The following TSGA10 variants were observed in gnomAD, a reference collection of about 807,000 sequenced individuals.
The protein encoded by TSGA10 is testis-specific gene 10 protein.
TSGA10 carries 43 observed loss-of-function variants against 96.6 expected under a neutral mutation model. The observed-to-expected ratio is 0.44, with a 90% confidence interval of 0.35 to 0.57. TSGA10 has a LOEUF of 0.57. Among genes scored for constraint, TSGA10 ranks in the 20% least tolerant of loss-of-function variants. TSGA10 has a pLI of 0.01. For synonymous variants in TSGA10, 229 were observed against 269.9 expected (o/e 0.85, Z 1.48); for missense variants, 703 against 834.4 (o/e 0.84, Z 1.94).
intron 1 of TSGA10, among the ~76,000 whole-genome samples, chr2:99,149,603 C>T (rs531554030): frequency 1.9e-4 from 29 of 151,378 alleles, no homozygotes; most frequent in African/African-American, 6.5e-4. Flanking sequence ...CCACCACGCC[C>T]GGCTAATTCT....
At chr2:99,064,247 C>T (rs1408082836) in intron 16 of TSGA10, among the ~76,000 whole-genome samples, 2 of 152,088 alleles carry the variant, frequency 1.3e-5, no homozygotes, top group Non-Finnish European at 2.9e-5. Flanking sequence ...AAAAAATTAA[C>T]TTTCCTTCAA....
chr2:99,118,597 T>C lies in TSGA10; in HGVS notation c.-402A>G. Reference sequence around the variant, plus strand: ...TCAATCAAGTATTTGCTGCCTAATGTGGAGGAACACAGCTTTCCTTCCCAG... The same window carrying C: ...TCAATCAAGTATTTGCTGCCTAATGCGGAGGAACACAGCTTTCCTTCCCAG... On this transcript the variant is annotated 5_prime_UTR_variant, in exon 3 of 21. Coordinates refer to ENST00000393483, the MANE Select transcript of TSGA10 (RefSeq NM_025244.4). 1.0e-6 allele frequency: 1 copy of C among 984,020 alleles called. No individual in the cohort carries two copies. 61.0% of individuals were successfully genotyped at this position (984,020 alleles called of 1,614,324 possible).
intron 2 of TSGA10, among the ~76,000 whole-genome samples, chr2:99,119,004 C>G (rs1047946708): frequency 3.3e-5 from 5 of 152,042 alleles, no homozygotes; most frequent in African/African-American, 1.2e-4. Flanking sequence ...AAAAAACACT[C>G]GCACACAGAA....
At chr2:99,121,747 C>A (rs1389557616) in intron 2 of TSGA10, among the ~76,000 whole-genome samples, 1 of 152,078 alleles carries the variant, frequency 6.6e-6, no homozygotes, top group Non-Finnish European at 1.5e-5. Flanking sequence ...ATTATAGCCA[C>A]GAGCCACCAC....
intron 20 of TSGA10, 103 bp downstream of exon 20, chr2:99,018,096 TC>T: frequency 9.3e-7 from 1 of 1,079,484 alleles, no homozygotes; most frequent in Non-Finnish European, 1.3e-6. Flanking sequence ...TGTTTAAATA[TC>T]ACTATTAAAG....
chr2:99,066,989 A>G (rs1188214500), intron 15 of TSGA10, among the ~76,000 whole-genome samples: 1 of 152,194 alleles, frequency 6.6e-6, no homozygotes, highest in Non-Finnish European at 1.5e-5. Context: ...TCCAAAATAA[A>G]CTTCCTAAAA....
At chr2:99,150,413 A>G (rs995584512) in intron 1 of TSGA10, 11 of 879,286 alleles carry the variant, frequency 1.3e-5, no homozygotes, top group Non-Finnish European at 1.5e-5. Flanking sequence ...CTTTTCATTC[A>G]AACAAACATT....
In TSGA10 at chr2:99,065,119, A is replaced by C. The variant is rs1441416159; in HGVS notation, c.1224T>G (p.Ser408=). 4 of 1,611,080 alleles carry C rather than the reference A, an allele frequency of 2.5e-6. No individual in the cohort carries two copies. Among genetic ancestry groups the C allele is most frequent in the Non-Finnish European group, 3.4e-6 (4 of 1,179,274 alleles). ...KLKNILKSEE[S]ENRQMMEQLR... is the part of the protein sequence containing the mutation. ...GTTGTTCCATCATTTGCCGGTTCTC[A>C]GATTCCTGAAAAGCAAACTTTAGCT... The change falls in exon 16 of 21, where the codon TCT becomes TCG. Residue 408 remains serine, a synonymous_variant. Coordinates refer to ENST00000393483, the MANE Select transcript of TSGA10 (RefSeq NM_025244.4).
At chr2:99,066,631 T>C (rs1391956761) in intron 15 of TSGA10, among the ~76,000 whole-genome samples, 1 of 152,114 alleles carries the variant, frequency 6.6e-6, no homozygotes, top group Non-Finnish European at 1.5e-5. Context: ...TCTCCTGTCC[T>C]CCAACCACCC....
intron 5 of TSGA10, among the ~76,000 whole-genome samples, chr2:99,109,914 C>T (rs2091658248): frequency 6.6e-6 from 1 of 152,148 alleles, no homozygotes; most frequent in Admixed American, 6.5e-5. Flanking sequence ...CCTGTAATCC[C>T]AGCACATTGG....
Position 99,035,411 on chromosome 2 carries a change from G to A in TSGA10, c.1433C>T (p.Ser478Phe). ...QHLNAERSYK[S>F]QISTLHKSVV... The stretch of plus-strand genomic sequence containing the variant: ...AGATTTATGTAAGGTAGAAATCTGG[G>A]ACTTGTAAGACCTTTCTGCATTTAA... Residue 478 changes from serine to phenylalanine, a missense_variant, in exon 17 of 21, where the codon TCC (serine) becomes TTC (phenylalanine). By Grantham distance (155) the Ser-to-Phe change is radical. Transcript: ENST00000393483. 1 of 1,611,582 alleles carries A rather than the reference G, an allele frequency of 6.2e-7. No individual in the cohort carries two copies. Among genetic ancestry groups the A allele is most frequent in the Non-Finnish European group, 8.5e-7 (1 of 1,178,606 alleles).
At chr2:99,078,196 G>A (rs367860693) in intron 12 of TSGA10, among the ~76,000 whole-genome samples, 2 of 150,888 alleles carry the variant, frequency 1.3e-5, no homozygotes, top group East Asian at 4.0e-4. Flanking sequence ...GCTTGAACCC[G>A]GGAGGCGGAG....
At chr2:99,122,427 A>T (rs578103595) in intron 2 of TSGA10, among the ~76,000 whole-genome samples, 1 of 151,980 alleles carries the variant, frequency 6.6e-6, no homozygotes, top group East Asian at 1.9e-4. Flanking sequence ...TAATTTAAAT[A>T]TTTCCTGTAC....
chr2:99,144,101 A>T (rs1344392738), intron 1 of TSGA10, among the ~76,000 whole-genome samples: 1 of 151,990 alleles, frequency 6.6e-6, no homozygotes, highest in African/African-American at 2.4e-5. Flanking sequence ...GCTCACTGGA[A>T]GCTCTGCCTC....
At chr2:99,002,975 C>T (rs944634337) in intron 20 of TSGA10, among the ~76,000 whole-genome samples, 6 of 152,034 alleles carry the variant, frequency 3.9e-5, no homozygotes, top group Non-Finnish European at 5.9e-5. Context: ...TTCTCTGCCT[C>T]AGCCTTCTGA....
intron 16 of TSGA10, among the ~76,000 whole-genome samples, chr2:99,044,830 T>C (rs1482544960): frequency 4.6e-5 from 7 of 152,018 alleles, no homozygotes; most frequent in African/African-American, 1.7e-4. Flanking sequence ...AATAAACAGT[T>C]TCTCAGACCA....
chr2:99,098,861 C>A (rs555516609), intron 10 of TSGA10, among the ~76,000 whole-genome samples: 2 of 152,090 alleles, frequency 1.3e-5, no homozygotes, highest in Admixed American at 1.3e-4. Flanking sequence ...GAAATAAAAC[C>A]TTCCCTTAAA....
intron 12 of TSGA10, among the ~76,000 whole-genome samples, chr2:99,074,834 C>T (rs2086492350): frequency 6.6e-6 from 1 of 151,858 alleles, no homozygotes; most frequent in Admixed American, 6.6e-5. Flanking sequence ...TGGTGGGCGC[C>T]TATAATCCCA....
At chr2:99,014,542 A>C (rs962638866) in intron 20 of TSGA10, among the ~76,000 whole-genome samples, 7 of 152,200 alleles carry the variant, frequency 4.6e-5, no homozygotes, top group African/African-American at 1.4e-4. Flanking sequence ...AGAAAGTTTG[A>C]AAGAGCACAA....
Sources: allele counts gnomAD v4.1 joint callset (sites outside exome capture counted in the v4.1 genomes callset), GRCh38; gene constraint gnomAD v4.1.1; transcripts MANE v1.5; gene names NCBI Gene and HGNC (gene_info 2026-07-23, HGNC 2026-07-21).